CCR2: variants seen among roughly 807,000 people sequenced by gnomAD.
CCR2 encodes C-C motif chemokine receptor 2.
For synonymous variants in CCR2, 183 were observed against 177.1 expected (o/e 1.03, Z -0.27); for missense variants, 408 against 440.0 (o/e 0.93, Z 0.65).
At chr3:46,356,680 G>A (rs1038524668) in intron 1 of CCR2, among the ~76,000 whole-genome samples, 4 of 152,116 alleles carry the variant, frequency 2.6e-5, no homozygotes, top group African/African-American at 9.7e-5. Flanking sequence ...AGCAATTTGA[G>A]AGGCCAAGGC....
chr3:46,358,348 T>A lies in CCR2; in HGVS notation c.821T>A (p.Leu274Gln). Residue 274 changes from leucine to glutamine, a missense_variant, in exon 2 of 2, where the codon CTG becomes CAG. Leu to Gln is a moderately radical substitution (Grantham distance 113). Transcript: ENST00000445132. ...LLNTFQEFFG[L>Q]SNCESTSQLD... ...AACACCTTCCAGGAATTCTTCGGCC[T>A]GAGTAACTGTGAAAGCACCAGTCAA... The A allele has an allele frequency of 6.2e-7, 1 of 1,614,178 alleles. No homozygotes were observed. Among genetic ancestry groups the A allele is most frequent in the Non-Finnish European group, 8.5e-7 (1 of 1,180,018 alleles).
In CCR2 at chr3:46,358,723, C is replaced by A; in HGVS notation, c.*113C>A. 1 of 1,467,996 alleles carries A rather than the reference C, an allele frequency of 6.8e-7. No homozygotes were observed. Among genetic ancestry groups the A allele is most frequent in the African/African-American group, 1.4e-5 (1 of 70,204 alleles). The allele number at this position is 1,467,996 out of a possible 1,614,324, so 90.9% of individuals were successfully genotyped here. On this transcript the variant is annotated 3_prime_UTR_variant, in exon 2 of 2. Transcript: ENST00000445132. ...ACCTGTAAAGCAGGTGCCCAGGAACCTCAGGGCTGTGTGTACTAATACAGA... is the reference window on the plus strand; with the variant it reads ...ACCTGTAAAGCAGGTGCCCAGGAACATCAGGGCTGTGTGTACTAATACAGA...
In CCR2 at chr3:46,357,816, T is replaced by C. The variant is rs527884713; in HGVS notation, c.289T>C (p.Leu97=). The change falls in exon 2 of 2, where the codon TTG becomes CTG. Residue 97 remains leucine (L), a synonymous_variant. Transcript: ENST00000445132. ...TCTGCTTTTTCTTATTACTCTCCCA[T>C]TGTGGGCTCACTCTGCTGCAAATGA... ...SDLLFLITLP[L]WAHSAANEWV... is the part of the protein sequence containing the mutation. 36 of 1,614,196 alleles carry C rather than the reference T, an allele frequency of 2.2e-5. 1 individual carries two copies. The East Asian group carries it at 3.3e-4, about 15-fold the overall frequency.
rs138409969 is a variant in CCR2, at chr3:46,354,377, A to C, written c.-52+200A>C. On this transcript the variant is annotated intron_variant, in intron 1 of 1. Transcript: ENST00000445132. ...GAAACCCTGAGGAAGAGCAGCGTGC[A>C]GCAGGTGATGGGGGAGAGTGGGCAG... 3.9e-4 allele frequency among the ~76,000 whole-genome samples: 59 copies of C among 152,274 alleles called. No homozygotes were observed. The East Asian group carries it at 6.6e-3, about 17-fold the overall frequency.
rs1701493779 is a variant in CCR2 at position 46,358,332 on chromosome 3, C to T, written c.805C>T (p.Gln269Ter). 1 of 1,614,028 alleles carries T rather than the reference C, an allele frequency of 6.2e-7. No individual in the cohort carries two copies. Among genetic ancestry groups the T allele is most frequent in the Admixed American group, 1.7e-5 (1 of 60,004 alleles). Reference sequence around the variant, plus strand: ...TATTGTCATTCTCCTGAACACCTTCCAGGAATTCTTCGGCCTGAGTAACTG... The same window carrying T: ...TATTGTCATTCTCCTGAACACCTTCTAGGAATTCTTCGGCCTGAGTAACTG... The part of the protein sequence containing the change: ...YNIVILLNTF[Q>*]EFFGLSNCES... The change falls in exon 2 of 2, where the codon CAG becomes TAG. Residue 269 changes from glutamine to a stop codon, truncating the protein, a stop_gained. Transcript: ENST00000445132. LOFTEE classifies it low-confidence loss of function (END_TRUNC).
chr3:46,358,699 C>G lies in CCR2; in HGVS notation c.*89C>G. The G allele has an allele frequency of 6.8e-7, 1 of 1,476,932 alleles. No individual in the cohort carries two copies. The highest frequency in any genetic ancestry group is 9.0e-7 in the Non-Finnish European group (1 of 1,113,164). The allele number at this position is 1,476,932 out of a possible 1,614,324, so 91.5% of individuals were successfully genotyped here. ...TCAAGGGTTTGTTGAACAATAGAAA[C>G]CTGTAAAGCAGGTGCCCAGGAACCT... On this transcript the variant is annotated 3_prime_UTR_variant, in exon 2 of 2. Coordinates refer to ENST00000445132, the MANE Select transcript of CCR2 (RefSeq NM_001123396.4).
chr3:46,359,465 G>A lies in CCR2; in HGVS notation c.*855G>A. On this transcript the variant is annotated 3_prime_UTR_variant, in exon 2 of 2. Coordinates refer to ENST00000445132, the MANE Select transcript of CCR2 (RefSeq NM_001123396.4). ...TCCAGGAGGTAGTGATTATGAGAAG[G>A]GGGTGGAGAATGATGAGTTCCTTCA... 9.3e-7 allele frequency: 1 copy of A among 1,078,076 alleles called. No homozygotes were observed. Among genetic ancestry groups the A allele is most frequent in the Non-Finnish European group, 1.3e-6 (1 of 796,002 alleles). 66.8% of individuals were successfully genotyped at this position (1,078,076 alleles called of 1,614,324 possible). A position where few individuals can be genotyped will look rare whatever the true frequency, so the allele number is the denominator to read the frequency against.
In CCR2 at chr3:46,357,700, T is replaced by C. The variant is rs766201549; in HGVS notation, c.173T>C (p.Val58Ala). ...LYSLVFIFGF[V>A]GNMLVVLILI... ...TCGCTGGTGTTCATCTTTGGTTTTG[T>C]GGGCAACATGCTGGTCGTCCTCATC... is the stretch of plus-strand genomic sequence containing the variant. Residue 58 changes from valine (V) to alanine (A), a missense_variant, in exon 2 of 2, where the codon GTG becomes GCG. Val to Ala is a moderately conservative substitution (Grantham distance 64). Transcript: ENST00000445132. 9 of 1,614,190 alleles carry C rather than the reference T, an allele frequency of 5.6e-6. No individual in the cohort carries two copies. The highest frequency in any genetic ancestry group is 7.6e-6 in the Non-Finnish European group (9 of 1,180,026).
rs1701524501 is a variant in CCR2 at position 46,360,032 on chromosome 3, T to C, written c.*1422T>C. The C allele has an allele frequency of 3.3e-6, 2 of 598,102 alleles. No homozygotes were observed. The highest frequency in any genetic ancestry group is 4.4e-4 in the Middle Eastern group (1 of 2,288). 37.0% of individuals were successfully genotyped at this position (598,102 alleles called of 1,614,324 possible). A position where few individuals can be genotyped will look rare whatever the true frequency, so the allele number is the denominator to read the frequency against. On this transcript the variant is annotated 3_prime_UTR_variant, in exon 2 of 2. Transcript: ENST00000445132. Reference sequence around the variant, plus strand: ...CAAACTACCTTCCAGTTCCTCATTTTTGAATACAGGCATAGAGTTCAGACT... The same window carrying C: ...CAAACTACCTTCCAGTTCCTCATTTCTGAATACAGGCATAGAGTTCAGACT...
chr3:46,359,463 A>AG lies in CCR2; in HGVS notation c.*858dup. On this transcript the variant is annotated 3_prime_UTR_variant, in exon 2 of 2. Coordinates refer to ENST00000445132, the MANE Select transcript of CCR2 (RefSeq NM_001123396.4). ...TCTCCAGGAGGTAGTGATTATGAGA[A>AG]GGGGGTGGAGAATGATGAGTTCCTT... 1 of 1,074,706 alleles carries AG rather than the reference A, an allele frequency of 9.3e-7. No individual in the cohort carries two copies. Among genetic ancestry groups the AG allele is most frequent in the Admixed American group, 3.5e-5 (1 of 28,280 alleles). 66.6% of individuals were successfully genotyped at this position (1,074,706 alleles called of 1,614,324 possible). A position where few individuals can be genotyped will look rare whatever the true frequency, so the allele number is the denominator to read the frequency against.
Position 46,357,520 on chromosome 3 carries a change from T to C in CCR2, c.-8T>C, listed in dbSNP as rs2106718263. The C allele has an allele frequency of 6.2e-7, 1 of 1,611,648 alleles. No homozygotes were observed. Among genetic ancestry groups the C allele is most frequent in the East Asian group, 2.2e-5 (1 of 44,824 alleles). On this transcript the variant is annotated 5_prime_UTR_variant, in exon 2 of 2. Coordinates refer to ENST00000445132, the MANE Select transcript of CCR2 (RefSeq NM_001123396.4). ...AACAAGGACGCATTTCCCCAGTACA[T>C]CCACAACATGCTGTCCACATCTCGT...
chr3:46,359,731 T>C lies in CCR2; in HGVS notation c.*1121T>C, dbSNP rs200438087. On this transcript the variant is annotated 3_prime_UTR_variant, in exon 2 of 2. Coordinates refer to ENST00000445132, the MANE Select transcript of CCR2 (RefSeq NM_001123396.4). ...TTGCCCCACTCCAAAAACCAGTGTGTGGAGGTCCAGGAGTGAGACCAGGAA... is the reference window on the plus strand; with the variant it reads ...TTGCCCCACTCCAAAAACCAGTGTGCGGAGGTCCAGGAGTGAGACCAGGAA... The C allele has an allele frequency of 6.2e-7, 1 of 1,614,014 alleles. No homozygotes were observed. Among genetic ancestry groups the C allele is most frequent in the East Asian group, 2.2e-5 (1 of 44,866 alleles).
chr3:46,355,003 G>A (rs568691376), intron 1 of CCR2: 1 of 152,192 alleles, frequency 6.6e-6, no homozygotes, highest in African/African-American at 2.4e-5. Flanking sequence ...AAAAATTCTT[G>A]AGAATCAAGT....
At chr3:46,355,164 G>A (rs1270050187) in intron 1 of CCR2, among the ~76,000 whole-genome samples, 1 of 152,196 alleles carries the variant, frequency 6.6e-6, no homozygotes, top group Non-Finnish European at 1.5e-5. Flanking sequence ...AACATGCTGT[G>A]TGTAGCAGAT....
rs1355497798 is a variant in CCR2, at chr3:46,358,402, C to T, written c.875C>T (p.Thr292Ile). The change falls in exon 2 of 2, where the codon ACT (threonine) becomes ATT (isoleucine). Residue 292 changes from threonine (T) to isoleucine (I), a missense_variant. Coordinates refer to ENST00000445132, the MANE Select transcript of CCR2 (RefSeq NM_001123396.4). ...QLDQATQVTETLGMTHCCINP... is the reference protein window; with the variant it reads ...QLDQATQVTEILGMTHCCINP... Reference sequence around the variant, plus strand: ...GACCAAGCCACGCAGGTGACAGAGACTCTTGGGATGACTCACTGCTGCATC... The same window carrying T: ...GACCAAGCCACGCAGGTGACAGAGATTCTTGGGATGACTCACTGCTGCATC... 2.5e-6 allele frequency: 4 copies of T among 1,614,140 alleles called. No individual in the cohort carries two copies. The highest frequency in any genetic ancestry group is 3.4e-6 in the Non-Finnish European group (4 of 1,180,010).
chr3:46,358,886 A>G lies in CCR2; in HGVS notation c.*276A>G, dbSNP rs1575273980. 8.7e-7 allele frequency: 1 copy of G among 1,150,030 alleles called. No homozygotes were observed. The highest frequency in any genetic ancestry group is 5.3e-5 in the East Asian group (1 of 18,954). 71.2% of individuals were successfully genotyped at this position (1,150,030 alleles called of 1,614,324 possible). A position where few individuals can be genotyped will look rare whatever the true frequency, so the allele number is the denominator to read the frequency against. ...TACCTTGTGCTAATCCTCTTTTTCTAGTCTTCATAATTTCTTCACTCAATC... is the reference window on the plus strand; with the variant it reads ...TACCTTGTGCTAATCCTCTTTTTCTGGTCTTCATAATTTCTTCACTCAATC... On this transcript the variant is annotated 3_prime_UTR_variant, in exon 2 of 2. Coordinates refer to ENST00000445132, the MANE Select transcript of CCR2 (RefSeq NM_001123396.4).
In CCR2 at chr3:46,358,469, G is replaced by A; in HGVS notation, c.942G>A (p.Arg314=). 1 of 1,613,748 alleles carries A rather than the reference G, an allele frequency of 6.2e-7. No individual in the cohort carries two copies. The highest frequency in any genetic ancestry group is 1.3e-5 in the African/African-American group (1 of 75,030). ...IYAFVGEKFR[R]YLSVFFRKHI... is the part of the protein sequence containing the mutation. The stretch of plus-strand genomic sequence containing the variant: ...CCTTCGTTGGGGAGAAGTTCAGAAG[G>A]TATCTCTCGGTGTTCTTCCGAAAGC... Residue 314 remains arginine, a synonymous_variant, in exon 2 of 2, where the codon AGG becomes AGA. Transcript: ENST00000445132.
At position 46,359,419 on chromosome 3, in the gene CCR2, T is replaced by C; in HGVS notation, c.*809T>C. 8 of 1,101,044 alleles carry C rather than the reference T, an allele frequency of 7.3e-6. No homozygotes were observed. The highest frequency in any genetic ancestry group is 5.6e-5 in the South Asian group (2 of 35,506). The allele number at this position is 1,101,044 out of a possible 1,614,324, so 68.2% of individuals were successfully genotyped here. A position where few individuals can be genotyped will look rare whatever the true frequency, so the allele number is the denominator to read the frequency against. ...TGCTAATATATGTATATGCAATATA[T>C]ATAGGCTCTTGCTTGATCTCTCCAG... On this transcript the variant is annotated 3_prime_UTR_variant, in exon 2 of 2. Coordinates refer to ENST00000445132, the MANE Select transcript of CCR2 (RefSeq NM_001123396.4).
In CCR2 at chr3:46,359,700, G is replaced by T. The variant is rs776392870; in HGVS notation, c.*1090G>T. On this transcript the variant is annotated 3_prime_UTR_variant, in exon 2 of 2. Coordinates refer to ENST00000445132, the MANE Select transcript of CCR2 (RefSeq NM_001123396.4). ...AGCCTTTTTCACATAGCTCTTGGCT[G>T]TAGGATTGCCCCACTCCAAAAACCA... is the stretch of plus-strand genomic sequence containing the variant. 1 of 1,613,064 alleles carries T rather than the reference G, an allele frequency of 6.2e-7. No individual in the cohort carries two copies. Among genetic ancestry groups the T allele is most frequent in the Middle Eastern group, 1.7e-4 (1 of 6,052 alleles).
Sources: gnomAD v4.1 joint callset for allele counts (sites outside exome capture counted in the v4.1 genomes callset) on GRCh38, gnomAD v4.1.1 for gene constraint, MANE v1.5 for transcripts, NCBI Gene and HGNC (gene_info 2026-07-23, HGNC 2026-07-21) for gene names.